Variants in ANGEL2 observed in about 807,000 individuals in gnomAD.
The protein encoded by ANGEL2 is RNA 2',3'-cyclic phosphatase ANGEL2.
A neutral mutation model predicts 66.0 loss-of-function variants in ANGEL2; 41 were observed. The observed-to-expected ratio is 0.62, with a 90% confidence interval of 0.48 to 0.81. The LOEUF (loss-of-function observed/expected upper bound fraction) is 0.81. Among genes scored for constraint, ANGEL2 ranks in the 30% least tolerant of loss-of-function variants. ANGEL2 has a pLI of 0.00. For synonymous variants in ANGEL2, 208 were observed against 226.5 expected (o/e 0.92, Z 0.73); for missense variants, 561 against 641.6 (o/e 0.87, Z 1.36).
At chr1:213,000,527 G>A (rs1254434800) in intron 6 of ANGEL2, 144 bp from the exon 7 acceptor site, 4 of 793,378 alleles carry the variant, frequency 5.0e-6, no homozygotes, top group African/African-American at 3.5e-5. Flanking sequence ...TATATATTTC[G>A]ATGGCCTCCA....
At chr1:213,011,601 A>T (rs1187448420) in intron 2 of ANGEL2, 1 of 344,564 alleles carries the variant, frequency 2.9e-6, no homozygotes, top group Non-Finnish European at 4.2e-6. Flanking sequence ...AGGCACTTTG[A>T]CATACAGTAT....
intron 1 of ANGEL2, among the ~76,000 whole-genome samples, chr1:213,014,868 C>T (rs947498414): frequency 2.6e-5 from 4 of 152,102 alleles, no homozygotes; most frequent in Non-Finnish European, 5.9e-5. Flanking sequence ...GTGGGTGGTA[C>T]ACGAGTCGGT....
At chr1:213,010,040 A>C (rs769363452) in intron 2 of ANGEL2, among the ~76,000 whole-genome samples, 41 of 145,540 alleles carry the variant, frequency 2.8e-4, no homozygotes, top group Non-Finnish European at 4.6e-4. Flanking sequence ...AACAAGAGTG[A>C]GACTCCAACT....
chr1:212,999,987 T>C (rs2076135268), intron 7 of ANGEL2, among the ~76,000 whole-genome samples: 1 of 152,228 alleles, frequency 6.6e-6, no homozygotes, highest in East Asian at 1.9e-4. Flanking sequence ...CTGGTCCAGG[T>C]CCACAGACAA....
Position 213,008,313 on chromosome 1 carries a change from A to G in ANGEL2, c.539T>C (p.Leu180Pro), listed in dbSNP as rs779762490. The G allele has an allele frequency of 1.1e-5, 17 of 1,614,236 alleles. No individual in the cohort carries two copies. Among genetic ancestry groups the G allele is most frequent in the Non-Finnish European group, 1.4e-5 (16 of 1,180,034 alleles). The change falls in exon 3 of 9, where the codon CTG (leucine) becomes CCG (proline). Residue 180 changes from leucine to proline, a missense_variant. Leu to Pro is a moderately conservative substitution (Grantham distance 98). Coordinates refer to ENST00000366962, the MANE Select transcript of ANGEL2 (RefSeq NM_144567.5). ...TCTATAAAGGTGAGAGTTATCTTCC[A>G]GTAAATCTTGTGAAAGTATATTATA... is the stretch of plus-strand genomic sequence containing the variant. The part of the protein sequence containing the change: ...MSYNILSQDL[L>P]EDNSHLYRHC...
At chr1:213,003,169 G>C (rs778338001) in intron 5 of ANGEL2, among the ~76,000 whole-genome samples, 1 of 152,100 alleles carries the variant, frequency 6.6e-6, no homozygotes, top group Non-Finnish European at 1.5e-5. Flanking sequence ...CATTCCTCTG[G>C]ATTAGGCTTT....
At chr1:213,007,857 C>A (rs1328123865) in intron 3 of ANGEL2, among the ~76,000 whole-genome samples, 1 of 138,224 alleles carries the variant, frequency 7.2e-6, no homozygotes, top group East Asian at 2.1e-4. Flanking sequence ...CCAACTTTTT[C>A]TTTCTTTCTT....
chr1:213,008,561 C>T, intron 2 of ANGEL2, 95 bp from the exon 3 acceptor site: 3 of 1,400,966 alleles, frequency 2.1e-6, no homozygotes, highest in Non-Finnish European at 2.9e-6. Context: ...TAAAAATTCC[C>T]ATAAGCAATG....
intron 8 of ANGEL2, among the ~76,000 whole-genome samples, chr1:212,996,336 C>T (rs1558166555): frequency 6.6e-6 from 1 of 151,200 alleles, no homozygotes; most frequent in African/African-American, 2.4e-5. Flanking sequence ...ATTATATAGA[C>T]TTTTCTGACC....
intron 7 of ANGEL2, 137 bp from the exon 8 acceptor site, chr1:212,997,455 A>C: frequency 1.4e-6 from 1 of 690,006 alleles, no homozygotes; most frequent in Non-Finnish European, 2.4e-6. Flanking sequence ...AGACCATATC[A>C]TAATTTAGTA....
At position 212,993,030 on chromosome 1, in the gene ANGEL2, G is replaced by A. The variant is rs2075895558; in HGVS notation, c.*2011C>T. The A allele has an allele frequency of 6.6e-6, 1 of 152,216 alleles. No homozygotes were observed. The highest frequency in any genetic ancestry group is 6.5e-5 in the Admixed American group (1 of 15,280). 9.4% of individuals were successfully genotyped at this position (152,216 alleles called of 1,614,324 possible). Reference sequence around the variant, plus strand: ...GTAATTAAAATCCCCCCAAAGGCCAGGCATGGTGGCTCATGCCTGTAATCA... The same window carrying A: ...GTAATTAAAATCCCCCCAAAGGCCAAGCATGGTGGCTCATGCCTGTAATCA... On this transcript the variant is annotated 3_prime_UTR_variant, in exon 9 of 9. Transcript: ENST00000366962.
At chr1:213,008,149 C>A in intron 3 of ANGEL2, 61 bp downstream of exon 3, 1 of 1,546,294 alleles carries the variant, frequency 6.5e-7, no homozygotes, top group South Asian at 1.2e-5. Flanking sequence ...CAAGCATGAG[C>A]CAGTGTGCCC....
At chr1:213,008,518 C>T (rs1272812219) in intron 2 of ANGEL2, 52 bp from the exon 3 acceptor site, 4 of 1,554,792 alleles carry the variant, frequency 2.6e-6, no homozygotes, top group Non-Finnish European at 8.7e-7. Flanking sequence ...GCAGACCATA[C>T]AGTTTCCCAC....
Position 212,997,298 on chromosome 1 carries a change from T to C in ANGEL2, c.1340A>G (p.His447Arg). Residue 447 changes from histidine to arginine, a missense_variant, in exon 8 of 9, where the codon CAC becomes CGC. By Grantham distance (29) the His-to-Arg change is conservative. Coordinates refer to ENST00000366962, the MANE Select transcript of ANGEL2 (RefSeq NM_144567.5). ...ATAAACAGATGACAAACTGAAATGG[T>C]GCTGTAAATTTGAAGACAATCTAAA... ...TAEKLSSNLQ[H>R]HFSLSSVYSH... 6.2e-7 allele frequency: 1 copy of C among 1,608,396 alleles called. No individual in the cohort carries two copies. Among genetic ancestry groups the C allele is most frequent in the Non-Finnish European group, 8.5e-7 (1 of 1,175,760 alleles).
chr1:213,008,593 A>G (rs955503518), intron 2 of ANGEL2, 127 bp from the exon 3 acceptor site: 14 of 1,105,138 alleles, frequency 1.3e-5, no homozygotes, highest in South Asian at 1.1e-4. Flanking sequence ...TTTCCCTAGG[A>G]AGTGGCAATA....
At position 213,000,856 on chromosome 1, in the gene ANGEL2, C is replaced by A; in HGVS notation, c.1191G>T (p.Trp397Cys). Residue 397 changes from tryptophan to cysteine, a missense_variant, in exon 6 of 9, where the codon TGG becomes TGT. Transcript: ENST00000366962. The stretch of plus-strand genomic sequence containing the variant: ...TCTGTGAGATACCTAGGTTTGGGGG[C>A]CAAATTGGAATAGATAAAATTCTTT... ...RGQRILSIPI[W>C]PPNLGISQNC... is the part of the protein sequence containing the mutation. 6.2e-7 allele frequency: 1 copy of A among 1,612,510 alleles called. No individual in the cohort carries two copies. Among genetic ancestry groups the A allele is most frequent in the Non-Finnish European group, 8.5e-7 (1 of 1,179,768 alleles).
At chr1:213,011,474 A>G in intron 2 of ANGEL2, 21 of 1,100,050 alleles carry the variant, frequency 1.9e-5, no homozygotes, top group Non-Finnish European at 2.3e-5. Flanking sequence ...AAGAATGGAC[A>G]TATAGAAAGT....
At chr1:213,001,177 A>G (rs1184713373) in intron 5 of ANGEL2, 2 of 378,404 alleles carry the variant, frequency 5.3e-6, no homozygotes, top group East Asian at 1.4e-4. Flanking sequence ...ATCGCTTTGA[A>G]CTAACACTAT....
chr1:213,015,536 G>GTA, intron 1 of ANGEL2, 77 bp downstream of exon 1: 1 of 1,510,216 alleles, frequency 6.6e-7, no homozygotes, highest in Non-Finnish European at 8.9e-7. Context: ...CCCGCCCCGG[G>GTA]TTAGTCCCGG....
Sources: gnomAD v4.1 joint callset for allele counts (sites outside exome capture counted in the v4.1 genomes callset) on GRCh38, gnomAD v4.1.1 for gene constraint, MANE v1.5 for transcripts, NCBI Gene and HGNC (gene_info 2026-07-23, HGNC 2026-07-21) for gene names.